The following XRCC6 variants were observed in gnomAD, a reference collection of about 807,000 sequenced individuals.
XRCC6 encodes the protein DNA repair protein Ku70.
A neutral mutation model predicts 65.7 loss-of-function variants in XRCC6; 5 were observed. The observed-to-expected ratio is 0.08, with a 90% confidence interval of 0.04 to 0.16. The LOEUF is 0.16. Among genes scored for constraint, XRCC6 ranks in the 10% least tolerant of loss-of-function variants. The pLI, the probability that XRCC6 is intolerant of heterozygous loss-of-function variation, is 1.00. For synonymous variants in XRCC6, 270 were observed against 270.6 expected, an observed-to-expected ratio of 1.00 and a Z score of 0.02; for missense variants, 447 against 738.1, an observed-to-expected ratio of 0.61 and a Z score of 4.57.
chr22:41,657,967 G>A (rs950408994), intron 10 of XRCC6, among the ~76,000 whole-genome samples: 1 of 152,094 alleles, frequency 6.6e-6, no homozygotes, highest in African/African-American at 2.4e-5. Flanking sequence ...GGGACCACAG[G>A]CGTGCACCAA....
chr22:41,652,400 C>T (rs1365930227), intron 8 of XRCC6, among the ~76,000 whole-genome samples: 8 of 149,972 alleles, frequency 5.3e-5, no homozygotes, highest in African/African-American at 7.4e-5. Flanking sequence ...GTGTCTCACT[C>T]TGTCACCCAG....
At chr22:41,624,909 A>G (rs2067652843) in intron 2 of XRCC6, among the ~76,000 whole-genome samples, 2 of 151,222 alleles carry the variant, frequency 1.3e-5, no homozygotes, top group African/African-American at 2.4e-5. Context: ...AGGCAGGAGA[A>G]TGGCGTGAAC....
chr22:41,630,659 T>C (rs933856579), intron 3 of XRCC6, among the ~76,000 whole-genome samples: 1 of 151,980 alleles, frequency 6.6e-6, no homozygotes, highest in African/African-American at 2.4e-5. Context: ...TTCCGCAGTG[T>C]TTGTGTCCCT....
chr22:41,630,632 C>G (rs1431651627), intron 3 of XRCC6, among the ~76,000 whole-genome samples: 1 of 151,644 alleles, frequency 6.6e-6, no homozygotes, highest in Non-Finnish European at 1.5e-5. Context: ...TTTTCCTAGG[C>G]AGAGGACCCT....
At chr22:41,642,390 T>C (rs2067888592) in intron 6 of XRCC6, among the ~76,000 whole-genome samples, 1 of 152,194 alleles carries the variant, frequency 6.6e-6, no homozygotes, top group Admixed American at 6.5e-5. Flanking sequence ...AGATGGATAG[T>C]TTCCAGATAT....
At chr22:41,649,140 ATATATAT>A (rs1158552533) in intron 7 of XRCC6, among the ~76,000 whole-genome samples, 2 of 92,794 alleles carry the variant, frequency 2.2e-5, no homozygotes, top group Admixed American at 1.3e-4. Flanking sequence ...AAAAAAAAAA[ATATATAT>A]ATATATATAT....
At chr22:41,629,130 A>G (rs991235103) in intron 3 of XRCC6, among the ~76,000 whole-genome samples, 19 of 152,174 alleles carry the variant, frequency 1.2e-4, no homozygotes, top group African/African-American at 4.3e-4. Flanking sequence ...TTTAAAAAAC[A>G]CCAGCAGAAA....
At chr22:41,624,276 T>C (rs1040616384) in intron 2 of XRCC6, among the ~76,000 whole-genome samples, 6 of 152,098 alleles carry the variant, frequency 3.9e-5, no homozygotes, top group Non-Finnish European at 7.3e-5. Context: ...TAGTCTCAGC[T>C]GCTTGGGAGG....
intron 6 of XRCC6, among the ~76,000 whole-genome samples, chr22:41,642,626 G>T (rs1197726008): frequency 6.6e-6 from 1 of 152,152 alleles, no homozygotes; most frequent in African/African-American, 2.4e-5. Flanking sequence ...TTGGTATTTT[G>T]ATAGGGATTA....
intron 11 of XRCC6, among the ~76,000 whole-genome samples, chr22:41,659,592 G>T (rs1027066023): frequency 1.3e-5 from 2 of 151,970 alleles, no homozygotes; most frequent in Admixed American, 1.3e-4. Flanking sequence ...CACCTGTCTC[G>T]GCCTCCCAAA....
chr22:41,630,580 G>A (rs547251860), intron 3 of XRCC6, among the ~76,000 whole-genome samples: 1 of 151,444 alleles, frequency 6.6e-6, no homozygotes, highest in African/African-American at 2.4e-5. Context: ...GACAATAGTG[G>A]AGGGAAGGTC....
rs2067711684 is a variant in XRCC6 at position 41,629,064 on chromosome 22, G to A, written c.195+834G>A. 2.0e-5 allele frequency among the ~76,000 whole-genome samples: 3 copies of A among 151,382 alleles called. No individual in the cohort carries two copies. The South Asian group carries it at 6.3e-4, about 32-fold the overall frequency. ...CAGCATGTTTAGTCATTAGAGAAAG[G>A]CAAATGAAAACCATAATGAGCTACC... is the stretch of plus-strand genomic sequence containing the variant. On this transcript the variant is annotated intron_variant, in intron 3 of 12. Coordinates refer to ENST00000360079, the MANE Select transcript of XRCC6 (RefSeq NM_001469.5).
intron 2 of XRCC6, among the ~76,000 whole-genome samples, chr22:41,627,609 C>CAA (rs71184821): frequency 0.021 from 2,028 of 96,838 alleles, 97 homozygotes; most frequent in African/African-American, 0.06. Context: ...GACTCCGTCT[C>CAA]AAAAAAAAAA....
In XRCC6 at chr22:41,663,750, G is replaced by A. The variant is rs538910971; in HGVS notation, c.1765G>A (p.Gly589Arg). Reference protein sequence around the residue: ...PMLKEACRAYGLKSGLKKQEL... With the variant: ...PMLKEACRAYRLKSGLKKQEL... ...GCTGAAAGAGGCCTGCCGGGCTTACGGGCTGAAGAGTGGGCTGAAGAAGCA... is the reference window on the plus strand; with the variant it reads ...GCTGAAAGAGGCCTGCCGGGCTTACAGGCTGAAGAGTGGGCTGAAGAAGCA... Residue 589 changes from glycine (G) to arginine (R), a missense_variant, in exon 13 of 13, where the codon GGG (glycine) becomes AGG (arginine). Transcript: ENST00000360079. 15 of 1,613,908 alleles carry A rather than the reference G, an allele frequency of 9.3e-6. No homozygotes were observed. The highest frequency in any genetic ancestry group is 6.7e-5 in the African/African-American group (5 of 75,034).
chr22:41,631,289 G>C (rs1402620671), intron 3 of XRCC6, among the ~76,000 whole-genome samples: 4 of 151,556 alleles, frequency 2.6e-5, no homozygotes, highest in African/African-American at 9.7e-5. Flanking sequence ...CTCCCTCCCG[G>C]ACGGGTCGGC....
At position 41,635,038 on chromosome 22, in the gene XRCC6, A is replaced by G. The variant is rs563949052; in HGVS notation, c.196-1075A>G. On this transcript the variant is annotated intron_variant, in intron 3 of 12. Coordinates refer to ENST00000360079, the MANE Select transcript of XRCC6 (RefSeq NM_001469.5). ...TACTTAAGCATTGTAATTATTTTAT[A>G]TAGTCATCCCTTGTTATTGAGGGAA... Among the ~76,000 whole-genome samples the G allele has an allele frequency of 1.2e-4, 19 of 152,336 alleles. No homozygotes were observed. In the South Asian group the frequency reaches 1.9e-3, roughly 15 times the overall value.
chr22:41,645,259 A>G (rs2067919229), intron 6 of XRCC6, among the ~76,000 whole-genome samples: 1 of 151,510 alleles, frequency 6.6e-6, no homozygotes, highest in South Asian at 2.1e-4. Context: ...AGATCGTGCC[A>G]TTGCACTCCA....
At chr22:41,657,145 T>G in intron 10 of XRCC6, 113 bp downstream of exon 10, 1 of 1,270,376 alleles carries the variant, frequency 7.9e-7, no homozygotes, top group Non-Finnish European at 1.0e-6. Flanking sequence ...ACTGACAGAT[T>G]ACTACTTGTT....
intron 11 of XRCC6, among the ~76,000 whole-genome samples, chr22:41,661,090 TAGA>T (rs952622668): frequency 6.6e-6 from 1 of 152,088 alleles, no homozygotes; most frequent in Admixed American, 6.6e-5. Flanking sequence ...TATAGGTTGT[TAGA>T]AGGAGTAAAT....
Sources: allele counts gnomAD v4.1 joint callset (sites outside exome capture counted in the v4.1 genomes callset), GRCh38; gene constraint gnomAD v4.1.1; transcripts MANE v1.5; gene names NCBI Gene and HGNC (gene_info 2026-07-23, HGNC 2026-07-21).